GUCA1B: variants seen among roughly 807,000 people sequenced by gnomAD.
The protein encoded by GUCA1B is guanylyl cyclase-activating protein 2.
A neutral mutation model predicts 24.2 loss-of-function variants in GUCA1B; 22 were observed. The observed-to-expected ratio is 0.91, with a 90% CI of 0.65 to 1.30. The LOEUF is 1.30. Among genes scored for constraint, GUCA1B ranks in the 50% most tolerant of loss-of-function variants. GUCA1B has a pLI of 0.00. For missense variants in GUCA1B, 221 were observed against 258.8 expected, an observed-to-expected ratio of 0.85 and a Z score of 1.00; for synonymous variants, 100 against 97.9, an observed-to-expected ratio of 1.02 and a Z score of -0.13.
intron 1 of GUCA1B, among the ~76,000 whole-genome samples, chr6:42,188,933 A>C (rs528592800): frequency 2.2e-4 from 24 of 109,912 alleles, no homozygotes; most frequent in African/African-American, 9.0e-4. Context: ...CTCTCTCTCT[A>C]TCTGACTATC....
At chr6:42,191,740 C>T (rs1037987133) in intron 1 of GUCA1B, among the ~76,000 whole-genome samples, 7 of 152,110 alleles carry the variant, frequency 4.6e-5, no homozygotes, top group African/African-American at 1.7e-4. Flanking sequence ...AAAATAGTAA[C>T]TTTACAATGT....
chr6:42,191,775 A>T (rs1768308651), intron 1 of GUCA1B, among the ~76,000 whole-genome samples: 1 of 152,194 alleles, frequency 6.6e-6, no homozygotes, highest in Admixed American at 6.5e-5. Context: ...TACCACCTTA[A>T]CCAAGTGATC....
Position 42,194,754 on chromosome 6 carries a change from C to T in GUCA1B, c.67G>A (p.Glu23Lys). Residue 23 changes from glutamate (E) to lysine (K), a missense_variant, in exon 1 of 4, where the codon GAG (glutamate) becomes AAG (lysine). Glu to Lys is a moderately conservative substitution (Grantham distance 56, BLOSUM62 1). Coordinates refer to ENST00000230361, the MANE Select transcript of GUCA1B (RefSeq NM_002098.6). ...AGEIDVAELQ[E>K]WYKKFVMECP... ...TCCATCACAAACTTCTTGTACCACT[C>T]CTGGAGCTCCGCCACATCTATCTCG... The T allele has an allele frequency of 1.2e-6, 2 of 1,608,966 alleles. No homozygotes were observed.
intron 2 of GUCA1B, among the ~76,000 whole-genome samples, chr6:42,187,749 T>A (rs773146786): frequency 1.3e-5 from 2 of 152,062 alleles, no homozygotes; most frequent in Non-Finnish European, 2.9e-5. Context: ...TTTTTCTAAT[T>A]TCCTGAGATG....
rs1768165200 is a variant in GUCA1B, at chr6:42,184,830, T to C, written c.588A>G (p.Lys196=). ...CCCAGACTCCTCAGAACATGGCACTTTTCCGTCTCTGCTGAGCGAGCCAGC... is the reference window on the plus strand; with the variant it reads ...CCCAGACTCCTCAGAACATGGCACTCTTCCGTCTCTGCTGAGCGAGCCAGC... ...PSSWLAQQRR[K]SAMF is the part of the protein sequence containing the mutation. The change falls in exon 4 of 4, where the codon AAA becomes AAG. Residue 196 remains lysine (K), a synonymous_variant. Transcript: ENST00000230361. 1.9e-6 allele frequency: 3 copies of C among 1,613,898 alleles called. No individual in the cohort carries two copies. Among genetic ancestry groups the C allele is most frequent in the African/African-American group, 1.3e-5 (1 of 74,878 alleles).
At position 42,184,798 on chromosome 6, in the gene GUCA1B, G is replaced by A; in HGVS notation, c.*17C>T. 4 of 1,613,646 alleles carry A rather than the reference G, an allele frequency of 2.5e-6. No homozygotes were observed. Among genetic ancestry groups the A allele is most frequent in the Non-Finnish European group, 3.4e-6 (4 of 1,179,760 alleles). On this transcript the variant is annotated 3_prime_UTR_variant, in exon 4 of 4. Transcript: ENST00000230361. Reference sequence around the variant, plus strand: ...AAACCTGGGTGAGCCTGGAGTCGTGGAGGGGCCCCAGACTCCTCAGAACAT... The same window carrying A: ...AAACCTGGGTGAGCCTGGAGTCGTGAAGGGGCCCCAGACTCCTCAGAACAT...
At chr6:42,191,682 T>C (rs1461275152) in intron 1 of GUCA1B, among the ~76,000 whole-genome samples, 1 of 152,230 alleles carries the variant, frequency 6.6e-6, no homozygotes, top group African/African-American at 2.4e-5. Context: ...GGATATTTAC[T>C]TAGTCTCAAG....
intron 3 of GUCA1B, 61 bp downstream of exon 3, chr6:42,185,619 C>A: frequency 7.8e-6 from 8 of 1,029,390 alleles, no homozygotes; most frequent in East Asian, 7.1e-5. Flanking sequence ...CAAGGACGTG[C>A]GGCCAGAAAG....
chr6:42,184,948 C>A lies in GUCA1B; in HGVS notation c.476-6G>T, dbSNP rs762298565. 18 of 1,613,856 alleles carry A rather than the reference C, an allele frequency of 1.1e-5. No individual in the cohort carries two copies. The highest frequency in any genetic ancestry group is 1.5e-5 in the Non-Finnish European group (18 of 1,179,928). Reference sequence around the variant, plus strand: ...CTCGTTCAGAGACAGCTGGCCTGAGCAAGGGGGAGGAGAGGTGGTCATGTA... The same window carrying A: ...CTCGTTCAGAGACAGCTGGCCTGAGAAAGGGGGAGGAGAGGTGGTCATGTA... On this transcript the variant is annotated splice_region_variant and splice_polypyrimidine_tract_variant and intron_variant, in intron 3 of 3. Transcript: ENST00000230361.
At chr6:42,188,866 C>T (rs917754393) in intron 1 of GUCA1B, 135 bp from the exon 2 acceptor site, 1 of 718,296 alleles carries the variant, frequency 1.4e-6, no homozygotes, top group Non-Finnish European at 2.3e-6. Context: ...AGTCTTTCTC[C>T]ACCCTTGGGG....
chr6:42,194,435 A>C (rs572627708), intron 1 of GUCA1B, among the ~76,000 whole-genome samples, 179 bp downstream of exon 1: 9 of 152,326 alleles, frequency 5.9e-5, no homozygotes, highest in African/African-American at 2.2e-4. Flanking sequence ...AAGGGACAAA[A>C]GGAAGAGAAG....
chr6:42,186,017 C>A (rs1478023921), intron 2 of GUCA1B, among the ~76,000 whole-genome samples: 3 of 152,214 alleles, frequency 2.0e-5, no homozygotes, highest in Admixed American at 1.3e-4. Context: ...CCTCACACCC[C>A]ACCTGACCCC....
At position 42,193,480 on chromosome 6, in the gene GUCA1B, C is replaced by G. The variant is rs537220544; in HGVS notation, c.207+1134G>C. Among the ~76,000 whole-genome samples, 8 of 152,326 alleles carry G rather than the reference C, an allele frequency of 5.3e-5. No homozygotes were observed. The South Asian group carries it at 1.7e-3, about 32-fold the overall frequency. ...AGACCTTGGGCAAATCGATTCATTC[C>G]CTTTTGCCCAGCTTTCTCATCATTT... is the stretch of plus-strand genomic sequence containing the variant. On this transcript the variant is annotated intron_variant, in intron 1 of 3. Transcript: ENST00000230361.
Position 42,194,717 on chromosome 6 carries a change from C to T in GUCA1B, c.104G>A (p.Gly35Asp), listed in dbSNP as rs759830005. The T allele has an allele frequency of 6.2e-7, 1 of 1,612,982 alleles. No homozygotes were observed. The highest frequency in any genetic ancestry group is 8.5e-7 in the Non-Finnish European group (1 of 1,179,022). Residue 35 changes from glycine to aspartate, a missense_variant, in exon 1 of 4, where the codon GGC becomes GAC. Transcript: ENST00000230361. ...CTTAAACTCATGCATAAAGAGTGTG[C>T]CGCTGGGGCACTCCATCACAAACTT... ...YKKFVMECPSGTLFMHEFKRF... is the reference protein window; with the variant it reads ...YKKFVMECPSDTLFMHEFKRF...
chr6:42,194,877 T>C lies in GUCA1B; in HGVS notation c.-57A>G, dbSNP rs959819677. 1 of 1,268,592 alleles carries C rather than the reference T, an allele frequency of 7.9e-7. No homozygotes were observed. The highest frequency in any genetic ancestry group is 1.5e-5 in the African/African-American group (1 of 67,776). 78.6% of individuals were successfully genotyped at this position (1,268,592 alleles called of 1,614,324 possible). On this transcript the variant is annotated 5_prime_UTR_variant, in exon 1 of 4. Transcript: ENST00000230361. ...TCTGTATCTCCTCCCTGGCTTCTGC[T>C]GATGGATCTCTCCAACTAGGGCCCT...
chr6:42,185,582 CAGGGTTGG>C (rs1768178861), intron 3 of GUCA1B, 90 bp downstream of exon 3: 1 of 757,320 alleles, frequency 1.3e-6, no homozygotes, highest in Non-Finnish European at 2.4e-6. Flanking sequence ...ATGAGGACCC[CAGGGTTGG>C]AAGGTGGAGG....
intron 1 of GUCA1B, 58 bp downstream of exon 1, chr6:42,194,556 T>C (rs1398690677): frequency 2.8e-6 from 3 of 1,068,654 alleles, no homozygotes; most frequent in African/African-American, 1.5e-5. Context: ...CTGAGGACAC[T>C]TGTGGAGGAA....
chr6:42,188,403 G>A (rs1768234769), intron 2 of GUCA1B, among the ~76,000 whole-genome samples, 179 bp downstream of exon 2: 1 of 149,176 alleles, frequency 6.7e-6, no homozygotes, highest in African/African-American at 2.5e-5. Context: ...ATCTTTTTTT[G>A]ATTGATTTCT....
chr6:42,188,757 G>A (rs1330787899), intron 1 of GUCA1B, 26 bp from the exon 2 acceptor site: 2 of 1,605,830 alleles, frequency 1.2e-6, no homozygotes, highest in Non-Finnish European at 1.7e-6. Context: ...ATGCTGCTGA[G>A]GGCACAGCCC....
Sources: gnomAD v4.1 joint callset for allele counts (sites outside exome capture counted in the v4.1 genomes callset) on GRCh38, gnomAD v4.1.1 for gene constraint, MANE v1.5 for transcripts, NCBI Gene and HGNC (gene_info 2026-07-23, HGNC 2026-07-21) for gene names.